Variants in SLC39A12 observed in about 807,000 individuals in gnomAD.
SLC39A12 encodes solute carrier family 39 member 12.
SLC39A12 carries 63 observed loss-of-function variants against 71.1 expected under a neutral mutation model. That is an observed-to-expected ratio of 0.89 (90% confidence interval 0.72 to 1.09). The LOEUF (loss-of-function observed/expected upper bound fraction) is 1.09. Among genes scored for constraint, SLC39A12 ranks in the 50% least tolerant of loss-of-function variants. The probability of loss-of-function intolerance (pLI) is 0.00; values close to 1 mark genes in which losing one functional copy is unlikely to be tolerated. For missense variants in SLC39A12, 892 were observed against 812.6 expected, an observed-to-expected ratio of 1.10 and a Z score of -1.19; for synonymous variants, 351 against 301.3, an observed-to-expected ratio of 1.16 and a Z score of -1.71.
chr10:17,980,664 T>C (rs1472971301), intron 5 of SLC39A12, among the ~76,000 whole-genome samples: 1 of 152,160 alleles, frequency 6.6e-6, no homozygotes, highest in Non-Finnish European at 1.5e-5. Context: ...TGAAAACAAA[T>C]TGTAAAGATT....
intron 2 of SLC39A12, among the ~76,000 whole-genome samples, chr10:17,956,882 A>G (rs1834563842): frequency 6.6e-6 from 1 of 152,186 alleles, no homozygotes; most frequent in African/African-American, 2.4e-5. Flanking sequence ...CAGAAGACCC[A>G]CTAAATCTAG....
At chr10:18,012,165 G>A (rs971416578) in intron 12 of SLC39A12, among the ~76,000 whole-genome samples, 3 of 152,142 alleles carry the variant, frequency 2.0e-5, no homozygotes, top group African/African-American at 7.2e-5. Flanking sequence ...AATCAAATAT[G>A]ATTCTAAAAT....
intron 12 of SLC39A12, among the ~76,000 whole-genome samples, chr10:18,029,002 G>A (rs1836760097): frequency 6.6e-6 from 1 of 151,844 alleles, no homozygotes; most frequent in African/African-American, 2.4e-5. Flanking sequence ...TTACAGGCGT[G>A]AGCCACCACG....
At chr10:17,983,188 A>C (rs925885233) in intron 6 of SLC39A12, among the ~76,000 whole-genome samples, 1 of 148,412 alleles carries the variant, frequency 6.7e-6, no homozygotes, top group Admixed American at 6.7e-5. Flanking sequence ...AAAAAAAAAA[A>C]AAAAAAAAAG....
chr10:17,991,957 C>T (rs565809126), intron 8 of SLC39A12, among the ~76,000 whole-genome samples: 4 of 151,690 alleles, frequency 2.6e-5, no homozygotes, highest in Admixed American at 6.6e-5. Context: ...GGCATGATGC[C>T]GCGCGCCTGT....
intron 2 of SLC39A12, among the ~76,000 whole-genome samples, chr10:17,960,846 T>C (rs1834670537): frequency 6.6e-6 from 1 of 152,172 alleles, no homozygotes; most frequent in East Asian, 1.9e-4. Context: ...ATATAAAATA[T>C]CTTAATTTTT....
intron 12 of SLC39A12, among the ~76,000 whole-genome samples, chr10:18,020,360 C>T (rs891848130): frequency 1.3e-5 from 2 of 151,952 alleles, no homozygotes; most frequent in Admixed American, 6.6e-5. Context: ...TCTTTATCCA[C>T]TCCACCATTG....
At chr10:17,968,133 AT>A (rs34063297) in intron 4 of SLC39A12, among the ~76,000 whole-genome samples, 50,006 of 151,128 alleles carry the variant, frequency 0.33, 8,585 homozygotes, top group Admixed American at 0.39. Flanking sequence ...CTTCATGATT[AT>A]TTTTGTATGA....
chr10:17,955,754 T>C (rs1554847720), intron 2 of SLC39A12, among the ~76,000 whole-genome samples: 1 of 152,222 alleles, frequency 6.6e-6, no homozygotes, highest in African/African-American at 2.4e-5. Context: ...TCTGAGAGCA[T>C]TGCACATTTA....
At chr10:18,020,609 C>A (rs141657637) in intron 12 of SLC39A12, among the ~76,000 whole-genome samples, 49 of 152,222 alleles carry the variant, frequency 3.2e-4, no homozygotes, top group African/African-American at 1.1e-3. Flanking sequence ...CATTCCCTTT[C>A]TCTGCAACCT....
At chr10:17,960,464 C>T (rs1374640731) in intron 2 of SLC39A12, among the ~76,000 whole-genome samples, 1 of 152,110 alleles carries the variant, frequency 6.6e-6, no homozygotes, top group Non-Finnish European at 1.5e-5. Context: ...TCATTTTTGG[C>T]AATTTCCCTA....
chr10:18,030,943 C>G (rs1197145900), intron 12 of SLC39A12, among the ~76,000 whole-genome samples: 4 of 151,676 alleles, frequency 2.6e-5, no homozygotes, highest in Admixed American at 2.6e-4. Context: ...TGATGATTTC[C>G]AATTTCATCC....
intron 2 of SLC39A12, among the ~76,000 whole-genome samples, chr10:17,959,653 TC>T (rs1554848126): frequency 6.6e-6 from 1 of 152,190 alleles, no homozygotes; most frequent in Non-Finnish European, 1.5e-5. Flanking sequence ...GCTTCTCAGA[TC>T]CTGTGAGAAT....
At position 18,026,233 on chromosome 10, in the gene SLC39A12, T is replaced by C. The variant is rs1161141813; in HGVS notation, c.1948-16472T>C. Among the ~76,000 whole-genome samples, 3 of 152,206 alleles carry C rather than the reference T, an allele frequency of 2.0e-5. No homozygotes were observed. In the East Asian group the frequency reaches 5.8e-4, roughly 29 times the overall value. ...AATTTTTAACATTTCTCAGAAGGCA[T>C]GGCTACTGGCAACAAACAAATTCCC... On this transcript the variant is annotated intron_variant, in intron 12 of 12. Transcript: ENST00000377369.
chr10:17,972,850 A>G (rs1835010443), intron 4 of SLC39A12, among the ~76,000 whole-genome samples: 1 of 151,736 alleles, frequency 6.6e-6, no homozygotes, highest in African/African-American at 2.4e-5. Context: ...ATTATTATTG[A>G]TAAGTGAGGA....
chr10:18,004,292 A>T (rs1433826063), intron 12 of SLC39A12: 1 of 152,212 alleles, frequency 6.6e-6, no homozygotes, highest in Non-Finnish European at 1.5e-5. Context: ...GGCTGTGTAA[A>T]AGTCAGATAT....
intron 5 of SLC39A12, 45 bp downstream of exon 5, chr10:17,978,119 G>A (rs1295964783): frequency 2.7e-6 from 4 of 1,468,604 alleles, no homozygotes; most frequent in Middle Eastern, 1.8e-4. Context: ...TACTGTCAAA[G>A]GAAGCCCAGC....
At chr10:17,965,287 C>T (rs550165883) in intron 3 of SLC39A12, among the ~76,000 whole-genome samples, 196 bp from the exon 4 acceptor site, 2 of 152,058 alleles carry the variant, frequency 1.3e-5, no homozygotes, top group South Asian at 4.2e-4. Context: ...AATTCAGTGC[C>T]ATGGTAGATA....
chr10:18,029,376 G>A (rs549408360), intron 12 of SLC39A12, among the ~76,000 whole-genome samples: 54 of 152,200 alleles, frequency 3.5e-4, no homozygotes, highest in African/African-American at 1.2e-3. Flanking sequence ...ACAACGGCAG[G>A]CCAAAGGGAT....
Sources: gnomAD v4.1 joint callset for allele counts (sites outside exome capture counted in the v4.1 genomes callset) on GRCh38, gnomAD v4.1.1 for gene constraint, MANE v1.5 for transcripts, NCBI Gene and HGNC (gene_info 2026-07-23, HGNC 2026-07-21) for gene names.